The following APP variants were observed in gnomAD, a reference collection of about 807,000 sequenced individuals.
APP encodes the protein amyloid-beta precursor protein.
Under a neutral mutation model 101.4 loss-of-function variants are expected in APP, and 31 were observed. The ratio of observed to expected loss-of-function variants is 0.31; its 90% CI spans 0.23 to 0.41. The LOEUF (loss-of-function observed/expected upper bound fraction) is 0.41, where lower values mean the gene tolerates loss of function less well. APP is among the 10% of genes least tolerant of loss of function. The pLI is 1.00. For missense variants in APP, 839 were observed against 1,003.7 expected (o/e 0.84, Z 2.22); for synonymous variants, 366 against 364.4 (o/e 1.00, Z -0.05).
At chr21:26,006,116 A>G (rs142593758) in intron 6 of APP, among the ~76,000 whole-genome samples, 2 of 152,318 alleles carry the variant, frequency 1.3e-5, no homozygotes, top group East Asian at 3.9e-4. Flanking sequence ...CTTTCTGTTC[A>G]AAGTAAATAT....
In APP at chr21:26,170,560, C is replaced by T; in HGVS notation, c.57+4G>A. 1 of 1,537,962 alleles carries T rather than the reference C, an allele frequency of 6.5e-7. No individual in the cohort carries two copies. Among genetic ancestry groups the T allele is most frequent in the South Asian group, 1.2e-5 (1 of 83,846 alleles). ...CCCCCCGCCTTCCGAGGCGCGGCAC[C>T]CACCTCCAGCGCCCGAGCCGTCCAG... On this transcript the variant is annotated splice_donor_region_variant and intron_variant, in intron 1 of 17. Transcript: ENST00000346798.
intron 5 of APP, among the ~76,000 whole-genome samples, chr21:26,045,201 T>C (rs1010473408): frequency 2.0e-5 from 3 of 151,922 alleles, no homozygotes; most frequent in African/African-American, 7.3e-5. Context: ...GGCTATATTC[T>C]CTCTTCAATA....
intron 16 of APP, among the ~76,000 whole-genome samples, chr21:25,897,068 G>T (rs889178449): frequency 6.6e-6 from 1 of 152,060 alleles, no homozygotes; most frequent in African/African-American, 2.4e-5. Flanking sequence ...TTTAAGTCCC[G>T]AGTCATGCAC....
At chr21:25,920,798 T>C (rs1393118004) in intron 13 of APP, among the ~76,000 whole-genome samples, 1 of 135,166 alleles carries the variant, frequency 7.4e-6, no homozygotes, top group Non-Finnish European at 1.6e-5. Context: ...AACACCCCAC[T>C]GTCAACATTA....
intron 5 of APP, among the ~76,000 whole-genome samples, chr21:26,041,036 T>A (rs183119973): frequency 4.8e-4 from 73 of 152,326 alleles, no homozygotes; most frequent in Non-Finnish European, 7.9e-4. Context: ...TTTTGTTCAC[T>A]CTCTACCTCT....
chr21:25,896,889 A>G (rs929747654), intron 16 of APP, among the ~76,000 whole-genome samples: 11 of 152,210 alleles, frequency 7.2e-5, no homozygotes, highest in Admixed American at 6.5e-4. Context: ...GGAGAAATGA[A>G]TGGGTAAAGG....
At position 26,107,260 on chromosome 21, in the gene APP, C is replaced by T. The variant is rs193278871; in HGVS notation, c.225+4719G>A. 6.6e-5 allele frequency among the ~76,000 whole-genome samples: 10 copies of T among 152,300 alleles called. No homozygotes were observed. In the East Asian group the frequency reaches 1.3e-3, roughly 21 times the overall value. On this transcript the variant is annotated intron_variant, in intron 2 of 17. Coordinates refer to ENST00000346798, the MANE Select transcript of APP (RefSeq NM_000484.4). ...TTCCTGTACCATGGAAATAATTTGACGATATTCCAGATAATTCCAGATGAT... is the reference window on the plus strand; with the variant it reads ...TTCCTGTACCATGGAAATAATTTGATGATATTCCAGATAATTCCAGATGAT...
intron 17 of APP, among the ~76,000 whole-genome samples, chr21:25,887,806 G>C (rs771448320): frequency 2.0e-5 from 3 of 152,176 alleles, no homozygotes; most frequent in Non-Finnish European, 4.4e-5. Context: ...TGTAGCCCAG[G>C]TGTGTAGCAG....
intron 5 of APP, among the ~76,000 whole-genome samples, chr21:26,034,384 C>A (rs1468317871): frequency 1.3e-5 from 2 of 152,132 alleles, no homozygotes; most frequent in Non-Finnish European, 2.9e-5. Context: ...GTGGCTCAGG[C>A]CTGTAATCCC....
intron 16 of APP, among the ~76,000 whole-genome samples, chr21:25,897,365 T>C (rs1478521892): frequency 2.6e-5 from 4 of 152,188 alleles, no homozygotes; most frequent in Admixed American, 6.5e-5. Flanking sequence ...CCACCCGCCT[T>C]GGCCTCCCAA....
At chr21:26,065,410 C>A (rs887923680) in intron 3 of APP, among the ~76,000 whole-genome samples, 1 of 152,096 alleles carries the variant, frequency 6.6e-6, no homozygotes, top group Non-Finnish European at 1.5e-5. Context: ...AACTAGACAG[C>A]GCTTGGTTTG....
At chr21:26,113,139 A>C (rs1160657357) in intron 1 of APP, among the ~76,000 whole-genome samples, 1 of 152,226 alleles carries the variant, frequency 6.6e-6, no homozygotes, top group African/African-American at 2.4e-5. Context: ...ATTAGAAGGC[A>C]TATTAATCAT....
At chr21:26,112,346 T>C (rs900408680) in intron 1 of APP, among the ~76,000 whole-genome samples, 200 bp from the exon 2 acceptor site, 8 of 152,226 alleles carry the variant, frequency 5.3e-5, no homozygotes, top group African/African-American at 1.9e-4. Context: ...AATGCTTTCT[T>C]TTATACTAAA....
At chr21:25,999,559 C>T (rs1465552267) in intron 7 of APP, among the ~76,000 whole-genome samples, 1 of 152,206 alleles carries the variant, frequency 6.6e-6, no homozygotes, top group African/African-American at 2.4e-5. Context: ...CACAGCCATA[C>T]ACCTTATCAA....
chr21:26,125,734 C>G (rs1191065602), intron 1 of APP, among the ~76,000 whole-genome samples: 1 of 152,198 alleles, frequency 6.6e-6, no homozygotes, highest in Admixed American at 6.5e-5. Context: ...TAGCAAACAT[C>G]CCATTCTGTC....
chr21:25,891,348 A>T lies in APP; in HGVS notation c.2211+374T>A, dbSNP rs377291329. Among the ~76,000 whole-genome samples the T allele has an allele frequency of 2.6e-5, 4 of 152,300 alleles. No homozygotes were observed. The East Asian group carries it at 7.7e-4, about 29-fold the overall frequency. ...AAACATGTTTAGTTTTTTTGGAAAAAGCAACTTCCTACTTCTATTTTTATT... is the reference window on the plus strand; with the variant it reads ...AAACATGTTTAGTTTTTTTGGAAAATGCAACTTCCTACTTCTATTTTTATT... On this transcript the variant is annotated intron_variant, in intron 17 of 17. Transcript: ENST00000346798.
chr21:26,091,869 GAGA>G (rs1002402753), intron 2 of APP, among the ~76,000 whole-genome samples: 14 of 152,310 alleles, frequency 9.2e-5, no homozygotes, highest in African/African-American at 3.4e-4. Context: ...AAGGCTACAG[GAGA>G]AGTAGTGCCT....
At chr21:25,893,533 G>A (rs1317179231) in intron 16 of APP, among the ~76,000 whole-genome samples, 2 of 152,188 alleles carry the variant, frequency 1.3e-5, no homozygotes, top group African/African-American at 4.8e-5. Flanking sequence ...TTGCTGATAC[G>A]GAGAAAACTT....
intron 1 of APP, chr21:26,140,449 C>G: frequency 9.2e-7 from 1 of 1,085,512 alleles, no homozygotes; most frequent in South Asian, 1.8e-5. Context: ...CAACCAAAGC[C>G]TCCGGAACTC....
Sources: gnomAD v4.1 joint callset for allele counts (sites outside exome capture counted in the v4.1 genomes callset) on GRCh38, gnomAD v4.1.1 for gene constraint, MANE v1.5 for transcripts, NCBI Gene and HGNC (gene_info 2026-07-23, HGNC 2026-07-21) for gene names.